NAV3: variants seen among roughly 807,000 people sequenced by gnomAD.
NAV3 encodes neuron navigator 3.
NAV3 carries 87 observed loss-of-function variants against 244.7 expected under a neutral mutation model. The ratio of observed to expected loss-of-function variants is 0.36; its 90% CI spans 0.30 to 0.42. NAV3 has a LOEUF of 0.42. Among genes scored for constraint, NAV3 ranks in the 20% least tolerant of loss-of-function variants. The probability of loss-of-function intolerance (pLI) is 1.00; values close to 1 mark genes in which losing one functional copy is unlikely to be tolerated. For synonymous variants in NAV3, 1,126 were observed against 1,042.2 expected (o/e 1.08, Z -1.55); for missense variants, 2,663 against 2,893.3 (o/e 0.92, Z 1.83).
chr12:77,683,340 TGG>T (rs1874558610), intron 2 of NAV3, among the ~76,000 whole-genome samples: 1 of 152,040 alleles, frequency 6.6e-6, no homozygotes, highest in East Asian at 1.9e-4. Context: ...GTTTTATCTC[TGG>T]ATACCGTACT....
chr12:77,636,752 A>C (rs2136937688), intron 2 of NAV3, among the ~76,000 whole-genome samples: 1 of 152,326 alleles, frequency 6.6e-6, no homozygotes, highest in Non-Finnish European at 1.5e-5. Context: ...CCAAATGTCC[A>C]TTAATGATAG....
At chr12:78,143,549 T>A in intron 20 of NAV3, 1 of 258,276 alleles carries the variant, frequency 3.9e-6, no homozygotes. Flanking sequence ...GAGAATCGCC[T>A]GAACCTGGGA....
intron 2 of NAV3, among the ~76,000 whole-genome samples, chr12:77,766,831 G>GA (rs1869799729): frequency 7.4e-6 from 1 of 134,928 alleles, no homozygotes; most frequent in Admixed American, 8.6e-5. Context: ...TCGGCTCACT[G>GA]AAACCTCCAC....
intron 2 of NAV3, among the ~76,000 whole-genome samples, chr12:77,659,654 T>C (rs1210092346): frequency 1.3e-5 from 2 of 152,162 alleles, no homozygotes; most frequent in African/African-American, 2.4e-5. Context: ...TAAAGACACA[T>C]GCACATGTAT....
intron 12 of NAV3, among the ~76,000 whole-genome samples, chr12:78,084,963 A>G (rs1953554797): frequency 1.3e-5 from 2 of 152,140 alleles, no homozygotes; most frequent in African/African-American, 4.8e-5. Context: ...TTTCACTTCA[A>G]GAAGAGTCAT....
intron 1 of NAV3, among the ~76,000 whole-genome samples, chr12:77,848,238 A>G (rs1243010869): frequency 2.0e-5 from 3 of 152,262 alleles, no homozygotes; most frequent in Non-Finnish European, 2.9e-5. Context: ...AGTTTCCACT[A>G]GAAAACAACA....
intron 1 of NAV3, among the ~76,000 whole-genome samples, chr12:77,866,869 C>T (rs775309333): frequency 4.4e-4 from 67 of 152,158 alleles, no homozygotes; most frequent in Non-Finnish European, 8.4e-4. Flanking sequence ...TTGAAAACCT[C>T]TCAAATATAC....
At position 77,857,649 on chromosome 12, in the gene NAV3, T is replaced by G. The variant is rs145568091; in HGVS notation, c.243+25945T>G. On this transcript the variant is annotated intron_variant, in intron 1 of 39. Coordinates refer to ENST00000397909, the MANE Select transcript of NAV3 (RefSeq NM_001024383.2). ...ATATATATATGACATTACTTTAGTG[T>G]GAAAAAAAGACTTTAGAAAAAGTTT... 2.3e-3 allele frequency among the ~76,000 whole-genome samples: 355 copies of G among 151,852 alleles called. 2 individuals are homozygous for G. Among genetic ancestry groups the G allele is most frequent in the African/African-American group, 7.6e-3 (317 of 41,496 alleles).
At chr12:77,633,775 G>A (rs1028448458) in intron 2 of NAV3, among the ~76,000 whole-genome samples, 10 of 152,134 alleles carry the variant, frequency 6.6e-5, no homozygotes, top group African/African-American at 2.4e-4. Flanking sequence ...CAATATTACT[G>A]ATCGAGTTTG....
intron 1 of NAV3, among the ~76,000 whole-genome samples, chr12:77,865,272 G>T (rs758126933): frequency 6.6e-6 from 1 of 151,940 alleles, no homozygotes; most frequent in Non-Finnish European, 1.5e-5. Flanking sequence ...ACTTTAAAGC[G>T]AGAGAAAAGA....
intron 2 of NAV3, among the ~76,000 whole-genome samples, chr12:77,734,851 G>A (rs112580018): frequency 1.3e-5 from 2 of 151,996 alleles, no homozygotes; most frequent in Admixed American, 1.3e-4. Context: ...ATACTAGAAC[G>A]CAAAAACAAC....
intron 2 of NAV3, among the ~76,000 whole-genome samples, chr12:77,658,953 T>A (rs1452164482): frequency 2.6e-5 from 4 of 152,034 alleles, no homozygotes; most frequent in Admixed American, 1.3e-4. Flanking sequence ...TATACAAAAA[T>A]CAATTCAAGA....
At chr12:77,675,606 A>G (rs1039666749) in intron 2 of NAV3, among the ~76,000 whole-genome samples, 2 of 152,148 alleles carry the variant, frequency 1.3e-5, no homozygotes, top group Non-Finnish European at 2.9e-5. Flanking sequence ...CATCACACCA[A>G]TGCAATTTAA....
At chr12:78,154,819 C>T (rs1184134261) in intron 22 of NAV3, among the ~76,000 whole-genome samples, 1 of 151,908 alleles carries the variant, frequency 6.6e-6, no homozygotes, top group Non-Finnish European at 1.5e-5. Context: ...ATGTGATACC[C>T]TATAAGTTTA....
chr12:78,126,805 C>G (rs1335265396), intron 16 of NAV3, among the ~76,000 whole-genome samples: 3 of 152,156 alleles, frequency 2.0e-5, no homozygotes, highest in Non-Finnish European at 2.9e-5. Context: ...CAGAGCAGAT[C>G]TATCTCATTT....
intron 2 of NAV3, among the ~76,000 whole-genome samples, chr12:77,640,775 A>G (rs894034561): frequency 6.6e-6 from 1 of 152,182 alleles, no homozygotes; most frequent in Non-Finnish European, 1.5e-5. Context: ...TAAAGGAAGA[A>G]GCTGAGACAC....
intron 12 of NAV3, among the ~76,000 whole-genome samples, chr12:78,095,391 C>G (rs2138105330): frequency 6.6e-6 from 1 of 152,120 alleles, no homozygotes; most frequent in South Asian, 2.1e-4. Context: ...AATTAAAGTG[C>G]AAACATATTT....
At chr12:77,794,246 G>A (rs535427244) in intron 2 of NAV3, among the ~76,000 whole-genome samples, 36 of 152,246 alleles carry the variant, frequency 2.4e-4, no homozygotes, top group African/African-American at 8.7e-4. Context: ...ATATGTTATA[G>A]TTTCCAATGT....
rs71088356 is a variant in NAV3, at chr12:78,078,375, C to CT, written c.2636+19298dup. Among the ~76,000 whole-genome samples, 35 of 67,842 alleles carry CT rather than the reference C, an allele frequency of 5.2e-4. 10 individuals carry two copies. Among genetic ancestry groups the CT allele is most frequent in the African/African-American group, 1.1e-3 (18 of 16,562 alleles). 44.5% of individuals were successfully genotyped at this position (67,842 alleles called of 152,430 possible). On this transcript the variant is annotated intron_variant, in intron 12 of 39. Transcript: ENST00000397909. ...AGAGTTGCATTTCACTCTTTCCACTCTTTTTTTTTTTTTTTTTTTTTTTTT... is the reference window on the plus strand; with the variant it reads ...AGAGTTGCATTTCACTCTTTCCACTCTTTTTTTTTTTTTTTTTTTTTTTTTT...
Sources: allele counts gnomAD v4.1 joint callset (sites outside exome capture counted in the v4.1 genomes callset), GRCh38; gene constraint gnomAD v4.1.1; transcripts MANE v1.5; gene names NCBI Gene and HGNC (gene_info 2026-07-23, HGNC 2026-07-21).